The following PPP1R1C variants were observed in gnomAD, a reference collection of about 807,000 sequenced individuals.
PPP1R1C encodes protein phosphatase 1 regulatory subunit 1C.
Under a neutral mutation model 17.4 loss-of-function variants are expected in PPP1R1C, and 15 were observed. The observed-to-expected ratio is 0.86, with a 90% CI of 0.58 to 1.33. The LOEUF is 1.33. Ranked by LOEUF, PPP1R1C falls within the 40% of genes most tolerant of loss-of-function variation. PPP1R1C has a pLI of 0.00. For synonymous variants in PPP1R1C, 35 were observed against 43.1 expected (o/e 0.81, Z 0.73); for missense variants, 143 against 130.0 (o/e 1.10, Z -0.48).
intron 4 of PPP1R1C, among the ~76,000 whole-genome samples, chr2:182,087,534 A>G (rs1203770074): frequency 1.3e-5 from 2 of 152,234 alleles, no homozygotes; most frequent in Non-Finnish European, 2.9e-5. Context: ...TAAACTCCAT[A>G]AGGTCAGGAA....
At chr2:182,048,022 G>A (rs184420212) in intron 2 of PPP1R1C, among the ~76,000 whole-genome samples, 79 of 152,160 alleles carry the variant, frequency 5.2e-4, no homozygotes, top group Middle Eastern at 3.4e-3. Flanking sequence ...AGCCATTTTA[G>A]GGGGTTCAGA....
chr2:182,116,473 G>T (rs745458026), intron 4 of PPP1R1C, among the ~76,000 whole-genome samples: 2 of 152,098 alleles, frequency 1.3e-5, no homozygotes, highest in Non-Finnish European at 2.9e-5. Context: ...GTGTGTGTAG[G>T]ATGAAGATGT....
rs538078189 is a variant in PPP1R1C at position 182,107,777 on chromosome 2, A to G, written c.242-9430A>G. Among the ~76,000 whole-genome samples, 20 of 152,194 alleles carry G rather than the reference A, an allele frequency of 1.3e-4. 1 individual carries two copies. The highest frequency in any genetic ancestry group is 1.0e-3 in the South Asian group (5 of 4,814). On this transcript the variant is annotated intron_variant, in intron 4 of 4. Transcript: ENST00000682840. ...TCCTCTTTCTCAGTCTTATCTAATGAGCTTGCTTTCTACTTTGAGAAAACC... is the reference window on the plus strand; with the variant it reads ...TCCTCTTTCTCAGTCTTATCTAATGGGCTTGCTTTCTACTTTGAGAAAACC...
chr2:182,033,452 G>A (rs1246624591), intron 2 of PPP1R1C, among the ~76,000 whole-genome samples: 1 of 152,174 alleles, frequency 6.6e-6, no homozygotes, highest in Non-Finnish European at 1.5e-5. Flanking sequence ...AATTTAACAT[G>A]TCTAAAAGTG....
intron 4 of PPP1R1C, among the ~76,000 whole-genome samples, chr2:182,076,221 T>TTTTTTTTTTTTTTTTTTG (rs1688305179): frequency 8.9e-6 from 1 of 112,210 alleles, no homozygotes; most frequent in African/African-American, 3.5e-5. Flanking sequence ...TTTTTTTTTT[T>TTTTTTTTTTTTTTTTTTG]TTTTTTTTTT....
intron 2 of PPP1R1C, among the ~76,000 whole-genome samples, chr2:182,036,463 A>G (rs1418602254): frequency 1.3e-5 from 2 of 152,228 alleles, no homozygotes; most frequent in African/African-American, 4.8e-5. Flanking sequence ...TAAAATGCAC[A>G]AACATTTTTA....
chr2:182,036,718 T>C (rs1687017919), intron 2 of PPP1R1C, among the ~76,000 whole-genome samples: 1 of 152,172 alleles, frequency 6.6e-6, no homozygotes, highest in South Asian at 2.1e-4. Context: ...TGTGTGTGTG[T>C]GTATATATAT....
downstream of PPP1R1C, among the ~76,000 whole-genome samples, chr2:182,118,894 A>G (rs1348294122): frequency 7.3e-6 from 1 of 136,762 alleles, no homozygotes; most frequent in Admixed American, 7.4e-5. Flanking sequence ...CACCCCTCCC[A>G]TGACTTTTTC....
intron 2 of PPP1R1C, among the ~76,000 whole-genome samples, chr2:182,024,137 C>G (rs1470874488): frequency 2.0e-5 from 3 of 152,112 alleles, no homozygotes; most frequent in African/African-American, 4.8e-5. Context: ...GAATTAAAAA[C>G]AGTTTTCTAT....
chr2:182,046,071 TTTC>T (rs1687334300), intron 2 of PPP1R1C, among the ~76,000 whole-genome samples: 1 of 151,018 alleles, frequency 6.6e-6, no homozygotes, highest in Non-Finnish European at 1.5e-5. Flanking sequence ...TAGTTACTTT[TTTC>T]TTTCTCTCCC....
chr2:182,066,968 T>TTG (rs3064017), intron 4 of PPP1R1C, among the ~76,000 whole-genome samples: 7 of 144,820 alleles, frequency 4.8e-5, no homozygotes, highest in East Asian at 4.0e-4. Context: ...GTGTGTGTGT[T>TTG]TGTGTGTGTG....
intron 2 of PPP1R1C, among the ~76,000 whole-genome samples, chr2:181,980,036 A>G (rs953985810): frequency 1.2e-4 from 19 of 152,060 alleles, no homozygotes; most frequent in African/African-American, 4.1e-4. Flanking sequence ...CACCAGCTCT[A>G]TGGTGCTTAT....
intron 4 of PPP1R1C, among the ~76,000 whole-genome samples, chr2:182,095,649 A>G (rs1165509807): frequency 1.3e-5 from 2 of 152,228 alleles, no homozygotes; most frequent in African/African-American, 4.8e-5. Flanking sequence ...GTTGTCTTCC[A>G]ATGGGGCTGC....
intron 2 of PPP1R1C, among the ~76,000 whole-genome samples, chr2:181,978,883 CCTAA>C (rs1685144753): frequency 6.6e-6 from 1 of 152,000 alleles, no homozygotes; most frequent in Admixed American, 6.6e-5. Flanking sequence ...CCCCAATACC[CCTAA>C]CTGAGCCTAG....
At chr2:181,985,325 G>A (rs1685269667), upstream of PPP1R1C, among the ~76,000 whole-genome samples, 3 of 152,146 alleles carry the variant, frequency 2.0e-5, no homozygotes, top group Admixed American at 2.0e-4. This position sits in a 1 kb window ranked among gnomAD's most constrained non-coding sequence, Gnocchi z 4.1. Context: ...AAGTGTGGAG[G>A]CCTAGACGTA....
chr2:181,989,004 T>C (rs1158933121), intron 2 of PPP1R1C, among the ~76,000 whole-genome samples: 1 of 152,210 alleles, frequency 6.6e-6, no homozygotes, highest in Non-Finnish European at 1.5e-5. Context: ...TATATTTGGT[T>C]AAATAAGAGG....
chr2:181,972,535 G>A (rs753526529), intron 1 of PPP1R1C, among the ~76,000 whole-genome samples: 1 of 152,022 alleles, frequency 6.6e-6, no homozygotes, highest in Non-Finnish European at 1.5e-5. Flanking sequence ...CCAGAGGATT[G>A]AGCAACAAAG....
intron 2 of PPP1R1C, among the ~76,000 whole-genome samples, chr2:182,058,738 C>T (rs961676231): frequency 6.6e-6 from 1 of 152,100 alleles, no homozygotes; most frequent in African/African-American, 2.4e-5. Flanking sequence ...ATTATGTATG[C>T]TCTACAGTGC....
chr2:182,053,045 C>G (rs981978921), intron 2 of PPP1R1C, among the ~76,000 whole-genome samples: 2 of 152,116 alleles, frequency 1.3e-5, no homozygotes, highest in Non-Finnish European at 2.9e-5. Context: ...CCAAGAAAAA[C>G]AGGCTTAGTA....
Sources: gnomAD v4.1 joint callset for allele counts (sites outside exome capture counted in the v4.1 genomes callset) on GRCh38, gnomAD v4.1.1 for gene constraint, Gnocchi (gnomAD v3.1) non-coding constraint, MANE v1.5 for transcripts, NCBI Gene and HGNC (gene_info 2026-07-23, HGNC 2026-07-21) for gene names.